Variants in PLXNA4 observed in about 807,000 individuals in gnomAD.
The protein encoded by PLXNA4 is plexin-A4.
Under a neutral mutation model 191.8 loss-of-function variants are expected in PLXNA4, and 44 were observed. The ratio of observed to expected loss-of-function variants is 0.23; its 90% CI spans 0.18 to 0.29. The LOEUF is 0.29. Among genes scored for constraint, PLXNA4 ranks in the 10% least tolerant of loss-of-function variants. The pLI, the probability that PLXNA4 is intolerant of heterozygous loss-of-function variation, is 1.00. For synonymous variants in PLXNA4, 1,082 were observed against 1,009.5 expected, an observed-to-expected ratio of 1.07 and a Z score of -1.36; for missense variants, 1,800 against 2,488.8, an observed-to-expected ratio of 0.72 and a Z score of 5.89.
intron 4 of PLXNA4, among the ~76,000 whole-genome samples, chr7:132,259,458 A>G (rs1799549855): frequency 1.4e-5 from 2 of 145,014 alleles, no homozygotes; most frequent in East Asian, 2.0e-4. Flanking sequence ...AAAAAAAAAA[A>G]AAAAAAAAAA....
At chr7:132,365,328 C>CGCGTGTGT (rs142768008) in intron 3 of PLXNA4, among the ~76,000 whole-genome samples, 13 of 142,992 alleles carry the variant, frequency 9.1e-5, no homozygotes, top group African/African-American at 2.9e-4. Flanking sequence ...CTACGGCCCG[C>CGCGTGTGT]GTGTGTGTGT....
At chr7:132,330,131 G>A (rs1802534147) in intron 3 of PLXNA4, among the ~76,000 whole-genome samples, 1 of 152,192 alleles carries the variant, frequency 6.6e-6, no homozygotes, top group Admixed American at 6.5e-5. Flanking sequence ...AGACGGAAGA[G>A]AGAGGGAACA....
intron 3 of PLXNA4, among the ~76,000 whole-genome samples, chr7:132,394,304 T>G (rs1793656908): frequency 6.6e-6 from 1 of 151,948 alleles, no homozygotes; most frequent in Non-Finnish European, 1.5e-5. Flanking sequence ...TGCCAGTCCC[T>G]AGGAGGGTCC....
intron 2 of PLXNA4, among the ~76,000 whole-genome samples, chr7:132,589,347 A>G (rs1802563737): frequency 6.6e-6 from 1 of 152,154 alleles, no homozygotes; most frequent in African/African-American, 2.4e-5. Flanking sequence ...ATAACTATAT[A>G]TTTTTATTAA....
chr7:132,544,971 G>A (rs1024720740), intron 1 of PLXNA4, among the ~76,000 whole-genome samples: 3 of 152,196 alleles, frequency 2.0e-5, no homozygotes, highest in African/African-American at 7.2e-5. Context: ...GACTAGTACA[G>A]CCACACCAGG....
At chr7:132,416,726 A>G (rs1001451794) in intron 3 of PLXNA4, among the ~76,000 whole-genome samples, 1 of 152,204 alleles carries the variant, frequency 6.6e-6, no homozygotes, top group Non-Finnish European at 1.5e-5. Flanking sequence ...TAAATGGCAA[A>G]CCTGGAGTTT....
chr7:132,361,179 T>G (rs927370186), intron 3 of PLXNA4, among the ~76,000 whole-genome samples: 2 of 151,574 alleles, frequency 1.3e-5, no homozygotes, highest in Non-Finnish European at 2.9e-5. Context: ...TAGGAAGAGG[T>G]AGGAGAGAGA....
intron 2 of PLXNA4, among the ~76,000 whole-genome samples, chr7:132,606,128 C>T (rs910891058): frequency 6.6e-6 from 1 of 152,198 alleles, no homozygotes; most frequent in African/African-American, 2.4e-5. Flanking sequence ...CATGCCATTG[C>T]ACTCCAGCCT....
chr7:132,205,614 C>A (rs992961110), intron 10 of PLXNA4, among the ~76,000 whole-genome samples: 2 of 152,102 alleles, frequency 1.3e-5, no homozygotes, highest in Non-Finnish European at 1.5e-5. Flanking sequence ...TTGAAAGTCC[C>A]AGTGGGGAAA....
At chr7:132,599,684 C>CT (rs796962711) in intron 2 of PLXNA4, among the ~76,000 whole-genome samples, 179 of 147,984 alleles carry the variant, frequency 1.2e-3, no homozygotes, top group African/African-American at 3.9e-3. Flanking sequence ...ACTTCTCCCC[C>CT]TTTTTTTTTT....
intron 4 of PLXNA4, among the ~76,000 whole-genome samples, chr7:132,274,568 C>T (rs1285562382): frequency 6.6e-6 from 1 of 151,984 alleles, no homozygotes; most frequent in Non-Finnish European, 1.5e-5. Flanking sequence ...CCTTTGTAAC[C>T]TCATCATCTC....
chr7:132,564,030 C>A, intron 1 of PLXNA4, among the ~76,000 whole-genome samples: 1 of 10,016 alleles, frequency 1.0e-4, no homozygotes, highest in Non-Finnish European at 2.1e-4. Flanking sequence ...TTCTCCTCCT[C>A]CTTCTCCTCC....
intron 3 of PLXNA4, among the ~76,000 whole-genome samples, chr7:132,406,245 A>G (rs1384793698): frequency 6.6e-6 from 1 of 152,230 alleles, no homozygotes; most frequent in Non-Finnish European, 1.5e-5. Context: ...AAGGGATAGC[A>G]TGCCCTCCTG....
chr7:132,581,889 A>C (rs969163479), upstream of PLXNA4, among the ~76,000 whole-genome samples: 2 of 152,108 alleles, frequency 1.3e-5, no homozygotes, highest in African/African-American at 4.8e-5. Context: ...AAAAACAACA[A>C]ACAAACAAAC....
chr7:132,178,218 G>A (rs59444396), intron 20 of PLXNA4, among the ~76,000 whole-genome samples: 3,170 of 152,232 alleles, frequency 0.021, 50 homozygotes, highest in South Asian at 0.056. Flanking sequence ...AATGCGTCAT[G>A]TTAAGACACC....
chr7:132,348,422 G>T (rs1397400147), intron 3 of PLXNA4, among the ~76,000 whole-genome samples: 1 of 152,216 alleles, frequency 6.6e-6, no homozygotes, highest in African/African-American at 2.4e-5. Context: ...CCAACAGTTT[G>T]TGAGTGAATG....
At position 132,144,989 on chromosome 7, in the gene PLXNA4, T is replaced by A. The variant is rs1161047616; in HGVS notation, c.5225+130A>T. On this transcript the variant is annotated intron_variant, in intron 29 of 31. Coordinates refer to ENST00000321063, the MANE Select transcript of PLXNA4 (RefSeq NM_020911.2). The stretch of plus-strand genomic sequence containing the variant: ...GGGGAGGACCAGAGAATGTGCCTGC[T>A]CAGAGTCCCTGCTGATGAAAACAGG... The A allele has an allele frequency of 2.2e-6, 3 of 1,360,836 alleles. No homozygotes were observed. In the African/African-American group the frequency reaches 4.3e-5, roughly 20 times the overall value. The allele number at this position is 1,360,836 out of a possible 1,614,324, so 84.3% of individuals were successfully genotyped here. A position where few individuals can be genotyped will look rare whatever the true frequency, so the allele number is the denominator to read the frequency against.
At chr7:132,365,328 CGTGTGTGTGTGTGT>C (rs3057957) in intron 3 of PLXNA4, among the ~76,000 whole-genome samples, 30 of 142,994 alleles carry the variant, frequency 2.1e-4, no homozygotes, top group Admixed American at 7.6e-4. Context: ...CTACGGCCCG[CGTGTGTGTGTGTGT>C]GTGTGTGTGT....
intron 3 of PLXNA4, among the ~76,000 whole-genome samples, chr7:132,442,498 C>A (rs1795733138): frequency 3.9e-5 from 6 of 152,218 alleles, no homozygotes; most frequent in Admixed American, 3.9e-4. Flanking sequence ...CTCGAACGGG[C>A]AACTTTCCCC....
Sources: gnomAD v4.1 joint callset for allele counts (sites outside exome capture counted in the v4.1 genomes callset) on GRCh38, gnomAD v4.1.1 for gene constraint, MANE v1.5 for transcripts, NCBI Gene and HGNC (gene_info 2026-07-23, HGNC 2026-07-21) for gene names.